NR3C1: variants seen among roughly 807,000 people sequenced by gnomAD.
NR3C1 encodes the protein nuclear receptor subfamily 3 group C member 1, also known as glucocorticoid receptor.
A neutral mutation model predicts 74.0 loss-of-function variants in NR3C1; 14 were observed. The observed-to-expected ratio is 0.19, with a 90% CI of 0.12 to 0.30. The LOEUF is 0.30. Ranked by LOEUF, NR3C1 falls within the 10% of genes least tolerant of loss-of-function variation. The pLI is 1.00. For synonymous variants in NR3C1, 308 were observed against 332.5 expected, an observed-to-expected ratio of 0.93 and a Z score of 0.80; for missense variants, 695 against 909.8, an observed-to-expected ratio of 0.76 and a Z score of 3.04.
At chr5:143,434,669 C>A in exon 1 of NR3C1, 2 of 985,418 alleles carry the variant, frequency 2.0e-6, no homozygotes, top group Non-Finnish European at 1.2e-6. Context: ...CCTCCCCATT[C>A]TCGCACAGAG....
intron 2 of NR3C1, among the ~76,000 whole-genome samples, chr5:143,350,110 A>G (rs992441279): frequency 6.6e-6 from 1 of 152,116 alleles, no homozygotes; most frequent in Non-Finnish European, 1.5e-5. Flanking sequence ...ATCATAAAAG[A>G]CCCTGTAAGC....
At chr5:143,358,832 A>G (rs1039107961) in intron 2 of NR3C1, among the ~76,000 whole-genome samples, 1 of 151,118 alleles carries the variant, frequency 6.6e-6, no homozygotes, top group African/African-American at 2.4e-5. Context: ...CCCGGGAGGC[A>G]GAGGTTGTGG....
chr5:143,397,281 T>A (rs535102426), intron 2 of NR3C1, among the ~76,000 whole-genome samples: 1 of 152,008 alleles, frequency 6.6e-6, no homozygotes, highest in South Asian at 2.1e-4. Flanking sequence ...TTAGTGGCAT[T>A]TAATATTTTT....
intron 2 of NR3C1, among the ~76,000 whole-genome samples, chr5:143,364,248 G>A (rs1832796069): frequency 6.6e-6 from 1 of 152,306 alleles, no homozygotes. Context: ...TATTCATAAT[G>A]CTGAAAGAAT....
At chr5:143,414,423 G>A (rs1215064699) in intron 1 of NR3C1, among the ~76,000 whole-genome samples, 1 of 152,190 alleles carries the variant, frequency 6.6e-6, no homozygotes, top group Non-Finnish European at 1.5e-5. Context: ...GAAGCAGTAG[G>A]CACTCTGTGA....
chr5:143,309,052 C>T (rs1269008269), intron 4 of NR3C1, among the ~76,000 whole-genome samples: 1 of 149,098 alleles, frequency 6.7e-6, no homozygotes, highest in East Asian at 2.0e-4. Context: ...GAAACTCTAA[C>T]TTATAACTAG....
intron 2 of NR3C1, 138 bp downstream of exon 2, chr5:143,399,518 T>C (rs1338847132): frequency 6.9e-6 from 5 of 729,242 alleles, no homozygotes; most frequent in Non-Finnish European, 1.1e-5. Context: ...CTTTCCTACT[T>C]TCAAAAGGCC....
In NR3C1 at chr5:143,298,777, G is replaced by A. The variant is rs780563789; in HGVS notation, c.1783C>T (p.Leu595=). Residue 595 remains leucine, a synonymous_variant, in exon 6 of 9, where the codon CTA becomes TTA. Coordinates refer to ENST00000394464, the MANE Select transcript of NR3C1 (RefSeq NM_000176.3). ...RNLHLDDQMT[L]LQYSWMFLMA... is the part of the protein sequence containing the mutation. ...AGAAACATCCAGGAGTACTGCAGTA[G>A]GGTCATTTGGTCATCCAGGTGTAAG... The A allele has an allele frequency of 8.1e-6, 13 of 1,613,692 alleles. No homozygotes were observed. Among genetic ancestry groups the A allele is most frequent in the Non-Finnish European group, 1.1e-5 (13 of 1,179,844 alleles).
rs1237878450 is a variant in NR3C1 at position 143,400,762 on chromosome 5, C to T, written c.78G>A (p.Val26=). ...SSVLAQERGD[V]MDFYKTLRGG... ...CTCTTAGGGTTTTATAGAAGTCCAT[C>T]ACATCTCCCCTCTCCTGAGCAAGCA... The change falls in exon 2 of 9, where the codon GTG becomes GTA. Residue 26 remains valine, a synonymous_variant. Transcript: ENST00000394464. 5.6e-6 allele frequency: 9 copies of T among 1,614,200 alleles called. No homozygotes were observed. The highest frequency in any genetic ancestry group is 7.6e-6 in the Non-Finnish European group (9 of 1,180,044).
intron 8 of NR3C1, 31 bp downstream of exon 8, chr5:143,282,537 T>C (rs1813337397): frequency 6.2e-7 from 1 of 1,612,990 alleles, no homozygotes; most frequent in African/African-American, 1.3e-5. Context: ...CCCAGAAAAC[T>C]CTTATATTTG....
At chr5:143,330,032 G>A (rs1389268828) in intron 2 of NR3C1, among the ~76,000 whole-genome samples, 3 of 152,044 alleles carry the variant, frequency 2.0e-5, no homozygotes, top group Non-Finnish European at 4.4e-5. Context: ...GTAAACTATC[G>A]TGTAGTTTCA....
chr5:143,389,996 A>C (rs1367780772), intron 2 of NR3C1: 1 of 855,728 alleles, frequency 1.2e-6, no homozygotes, highest in Non-Finnish European at 1.4e-6. Flanking sequence ...CAATTCTAAA[A>C]AATCTAAAGT....
rs761430631 is a variant in NR3C1, at chr5:143,400,367, T to G, written c.473A>C (p.Lys158Thr). The G allele has an allele frequency of 1.5e-5, 24 of 1,614,028 alleles. No individual in the cohort carries two copies. The South Asian group carries it at 2.6e-4, about 18-fold the overall frequency. The change falls in exon 2 of 9, where the codon AAA becomes ACA. Residue 158 changes from lysine (K) to threonine (T), a missense_variant. Lys to Thr is a moderately conservative substitution (Grantham distance 78). This residue lies in a region of NR3C1 where 497 missense variants were observed against 489.5 expected (regional missense o/e 1.02). Transcript: ENST00000394464. ...TTCTGAAGATACATCAGAGTGAGTTTTTGGAAACTCCTTCTCTGTGGGGGC... is the reference window on the plus strand; with the variant it reads ...TTCTGAAGATACATCAGAGTGAGTTGTTGGAAACTCCTTCTCTGTGGGGGC... The part of the protein sequence containing the change: ...SAAPTEKEFP[K>T]THSDVSSEQQ...
chr5:143,338,150 A>C, intron 2 of NR3C1, among the ~76,000 whole-genome samples: 1 of 152,226 alleles, frequency 6.6e-6, no homozygotes, highest in Middle Eastern at 3.2e-3. Flanking sequence ...TGTGCATTGT[A>C]ATACAACACC....
intron 2 of NR3C1, among the ~76,000 whole-genome samples, chr5:143,347,445 G>C (rs988268850): frequency 3.3e-5 from 5 of 152,056 alleles, no homozygotes; most frequent in Non-Finnish European, 5.9e-5. Context: ...TTTTTACAGG[G>C]CATCACACTA....
chr5:143,303,346 T>G (rs1406522676), intron 4 of NR3C1, among the ~76,000 whole-genome samples: 1 of 151,846 alleles, frequency 6.6e-6, no homozygotes, highest in Non-Finnish European at 1.5e-5. Context: ...TATGTGGAAA[T>G]GGAAACACAC....
At chr5:143,429,949 G>T (rs967607611) in intron 1 of NR3C1, among the ~76,000 whole-genome samples, 6 of 152,144 alleles carry the variant, frequency 3.9e-5, no homozygotes, top group Non-Finnish European at 8.8e-5. Flanking sequence ...GGGCATGGTG[G>T]CAGGGGCCTG....
chr5:143,427,473 T>G (rs1751592106), intron 1 of NR3C1, among the ~76,000 whole-genome samples: 1 of 152,054 alleles, frequency 6.6e-6, no homozygotes, highest in Non-Finnish European at 1.5e-5. Flanking sequence ...AGGGGAAAGA[T>G]AGTTGGCAAA....
intron 7 of NR3C1, 140 bp downstream of exon 7, chr5:143,295,320 C>T (rs1816947028): frequency 5.7e-6 from 8 of 1,394,666 alleles, no homozygotes; most frequent in Middle Eastern, 2.7e-4. Flanking sequence ...TAATATTTTA[C>T]ATTCATAAAA....
Sources: allele counts gnomAD v4.1 joint callset (sites outside exome capture counted in the v4.1 genomes callset), GRCh38; gene constraint gnomAD v4.1.1; regional missense constraint gnomAD v4.1.1; transcripts MANE v1.5; gene names NCBI Gene and HGNC (gene_info 2026-07-23, HGNC 2026-07-21).